AIG1: variants seen among roughly 807,000 people sequenced by gnomAD.
AIG1 encodes androgen induced 1, also known as androgen-induced gene 1 protein.
Under a neutral mutation model 31.4 loss-of-function variants are expected in AIG1, and 23 were observed. The ratio of observed to expected loss-of-function variants is 0.73; its 90% CI spans 0.53 to 1.04. The LOEUF is 1.04. Among genes scored for constraint, AIG1 ranks in the 50% least tolerant of loss-of-function variants. The pLI is 0.00. For synonymous variants in AIG1, 100 were observed against 110.5 expected, an observed-to-expected ratio of 0.90 and a Z score of 0.60; for missense variants, 274 against 295.0, an observed-to-expected ratio of 0.93 and a Z score of 0.52.
At chr6:143,073,330 A>T (rs1777462169) in intron 1 of AIG1, among the ~76,000 whole-genome samples, 1 of 152,212 alleles carries the variant, frequency 6.6e-6, no homozygotes, top group Admixed American at 6.5e-5. Flanking sequence ...TGCAATGAAC[A>T]TGGGAGTGCA....
chr6:143,099,576 ATCC>A (rs1780071042), intron 1 of AIG1: 1 of 152,118 alleles, frequency 6.6e-6, no homozygotes, highest in Non-Finnish European at 1.5e-5. Flanking sequence ...TTGTGTTTAT[ATCC>A]TCCTCCTTTT....
At chr6:143,196,401 A>G (rs1383986416) in intron 3 of AIG1, among the ~76,000 whole-genome samples, 6 of 148,382 alleles carry the variant, frequency 4.0e-5, no homozygotes, top group East Asian at 2.0e-4. Context: ...ACACACCCCA[A>G]TTTGATAAGT....
chr6:143,203,158 A>G (rs1464618401), intron 3 of AIG1, among the ~76,000 whole-genome samples: 1 of 152,192 alleles, frequency 6.6e-6, no homozygotes, highest in East Asian at 1.9e-4. Flanking sequence ...TTAAATTCTG[A>G]ATATGACTGC....
intron 3 of AIG1, among the ~76,000 whole-genome samples, chr6:143,241,896 G>T (rs1794268566): frequency 6.6e-6 from 1 of 152,178 alleles, no homozygotes; most frequent in Non-Finnish European, 1.5e-5. Context: ...CCTTCAGGCT[G>T]TGTGTATAAG....
At chr6:143,068,063 G>A (rs2128459175) in intron 1 of AIG1, among the ~76,000 whole-genome samples, 1 of 152,290 alleles carries the variant, frequency 6.6e-6, no homozygotes, top group South Asian at 2.1e-4. Context: ...AATAGTTGAT[G>A]ATATAATCAC....
At chr6:143,282,105 T>G (rs545788245) in intron 3 of AIG1, among the ~76,000 whole-genome samples, 1 of 152,226 alleles carries the variant, frequency 6.6e-6, no homozygotes, top group Non-Finnish European at 1.5e-5. Flanking sequence ...TAATGACAAC[T>G]GAATAAGCAT....
At chr6:143,302,106 AG>A (rs1251207335) in intron 4 of AIG1, among the ~76,000 whole-genome samples, 1 of 152,194 alleles carries the variant, frequency 6.6e-6, no homozygotes, top group East Asian at 1.9e-4. Context: ...GTGATTGCAC[AG>A]TAATAAAAGT....
intron 1 of AIG1, among the ~76,000 whole-genome samples, chr6:143,131,890 A>T (rs1476788305): frequency 1.3e-5 from 2 of 152,220 alleles, no homozygotes; most frequent in African/African-American, 4.8e-5. Flanking sequence ...GTAACTTGTT[A>T]TGCAGCAATG....
rs75390731 is a variant in AIG1 at position 143,134,702 on chromosome 6, G to A, written c.142-2133G>A. Among the ~76,000 whole-genome samples the A allele has an allele frequency of 1.2e-3, 177 of 151,898 alleles. 4 individuals carry two copies. In the East Asian group the frequency reaches 0.028, roughly 24 times the overall value. On this transcript the variant is annotated intron_variant, in intron 1 of 5. Transcript: ENST00000357847. The stretch of plus-strand genomic sequence containing the variant: ...CAGAATTTTTGACTTATTATATTTC[G>A]ACTTTATGCTGGTGTGAAAGTGATC...
rs761947435 is a variant in AIG1 at position 143,334,099 on chromosome 6, C to T, written c.679+654C>T. The T allele has an allele frequency of 2.0e-5, 31 of 1,550,216 alleles. No individual in the cohort carries two copies. The highest frequency in any genetic ancestry group is 4.9e-5 in the East Asian group (2 of 40,912). On this transcript the variant is annotated intron_variant, in intron 5 of 5. Transcript: ENST00000357847. The surrounding 1 kb of genome is among the most constrained non-coding windows in gnomAD (Gnocchi z 5.1). ...GCAGAGCCTCCATCTTGGCAAGGCA[C>T]GTAATCTTATCCAAGCTGTGCAAAA...
intron 2 of AIG1, among the ~76,000 whole-genome samples, chr6:143,143,500 CAAAAAAAAAA>C (rs60620136): frequency 0.011 from 292 of 27,486 alleles, 10 homozygotes; most frequent in African/African-American, 0.035. Flanking sequence ...GACTTCATCT[CAAAAAAAAAA>C]AAAAAAAAAA....
At chr6:143,126,529 G>A (rs1220469680) in intron 1 of AIG1, among the ~76,000 whole-genome samples, 1 of 152,246 alleles carries the variant, frequency 6.6e-6, no homozygotes, top group Non-Finnish European at 1.5e-5. Context: ...TCTGTGGAAA[G>A]CGGGGGATCC....
In AIG1 at chr6:143,291,408, C is replaced by A. The variant is rs546217241; in HGVS notation, c.515+7183C>A. On this transcript the variant is annotated intron_variant, in intron 4 of 5. Transcript: ENST00000357847. The surrounding 1 kb of genome is among the most constrained non-coding windows in gnomAD (Gnocchi z 4.2). ...GAGGTCTAGCTGGAGCCAGCCAGAT[C>A]CCCCACATAAGGAAGCTCTTCATTT... Among the ~76,000 whole-genome samples, 1 of 152,208 alleles carries A rather than the reference C, an allele frequency of 6.6e-6. No individual in the cohort carries two copies. The highest frequency in any genetic ancestry group is 2.4e-5 in the African/African-American group (1 of 41,540).
intron 1 of AIG1, among the ~76,000 whole-genome samples, chr6:143,070,360 T>C (rs1333053961): frequency 6.6e-6 from 1 of 152,236 alleles, no homozygotes; most frequent in Non-Finnish European, 1.5e-5. Flanking sequence ...TGATGTTTTG[T>C]AGTTTTCAGC....
intron 2 of AIG1, among the ~76,000 whole-genome samples, chr6:143,146,495 A>G (rs971592201): frequency 3.4e-5 from 5 of 147,422 alleles, no homozygotes; most frequent in African/African-American, 1.0e-4. Flanking sequence ...CTTTCCCTCT[A>G]TCTCCCCAAC....
At chr6:143,189,047 T>C (rs1240905312) in intron 3 of AIG1, 1 of 971,818 alleles carries the variant, frequency 1.0e-6, no homozygotes, top group African/African-American at 1.8e-5. Context: ...ACTTTTTTTA[T>C]TTTTTGGAGA....
rs1776870704 is a variant in AIG1, at chr6:143,329,182, CAAG to C, written c.516-4097_516-4095del. On this transcript the variant is annotated intron_variant, in intron 4 of 5. Transcript: ENST00000357847. This position sits in a 1 kb window ranked among gnomAD's most constrained non-coding sequence, Gnocchi z 4.9. ...GTTAAGAAAACCAAACCAAAACAAA[CAAG>C]AAACGCTCAATTCCATTTTGGAGAC... Among the ~76,000 whole-genome samples the C allele has an allele frequency of 1.3e-5, 2 of 152,196 alleles. No individual in the cohort carries two copies. Among genetic ancestry groups the C allele is most frequent in the South Asian group, 4.1e-4 (2 of 4,830 alleles).
At chr6:143,155,387 C>G (rs1362666418) in intron 2 of AIG1, among the ~76,000 whole-genome samples, 1 of 152,030 alleles carries the variant, frequency 6.6e-6, no homozygotes, top group South Asian at 2.1e-4. Flanking sequence ...GAGGCTTCTT[C>G]TTGTGGGGGG....
chr6:143,247,770 CCTCTGGGAT>C (rs1317147131), intron 3 of AIG1, among the ~76,000 whole-genome samples: 1 of 152,190 alleles, frequency 6.6e-6, no homozygotes, highest in Non-Finnish European at 1.5e-5. Flanking sequence ...AGGCAGCCTT[CCTCTGGGAT>C]CTCTAAACAT....
Sources: allele counts gnomAD v4.1 joint callset (sites outside exome capture counted in the v4.1 genomes callset), GRCh38; gene constraint gnomAD v4.1.1; non-coding constraint Gnocchi (gnomAD v3.1); transcripts MANE v1.5; gene names NCBI Gene and HGNC (gene_info 2026-07-23, HGNC 2026-07-21).